Variants in STARD3 observed in about 807,000 individuals in gnomAD.
The protein encoded by STARD3 is StAR related lipid transfer domain containing 3.
Under a neutral mutation model 62.0 loss-of-function variants are expected in STARD3, and 39 were observed. That is an observed-to-expected ratio of 0.63 (90% CI 0.49 to 0.82). The LOEUF is 0.82. Among genes scored for constraint, STARD3 ranks in the 40% least tolerant of loss-of-function variants. STARD3 has a pLI of 0.00. For missense variants in STARD3, 543 were observed against 584.5 expected (o/e 0.93, Z 0.73); for synonymous variants, 229 against 242.4 (o/e 0.94, Z 0.51).
In STARD3 at chr17:39,656,838, C is replaced by G; in HGVS notation, c.220-170C>G. The G allele has an allele frequency of 8.1e-6, 5 of 618,560 alleles. No homozygotes were observed. The East Asian group carries it at 1.4e-4, about 17-fold the overall frequency. 38.3% of individuals were successfully genotyped at this position (618,560 alleles called of 1,614,324 possible). ...GGTATTGGTGCCTGAGGTCTCTGGC[C>G]GTGGGCTGAGATCCCTTGGTGCTTC... On this transcript the variant is annotated intron_variant, in intron 2 of 14. Transcript: ENST00000336308.
At chr17:39,653,385 A>C in intron 1 of STARD3, 96 bp from the exon 2 acceptor site, 12 of 809,884 alleles carry the variant, frequency 1.5e-5, no homozygotes, top group South Asian at 3.5e-5. Flanking sequence ...GACCCAGTGT[A>C]GAGACAAATG....
At chr17:39,658,645 G>A (rs759797270) in intron 6 of STARD3, 77 bp from the exon 7 acceptor site, 10 of 1,587,760 alleles carry the variant, frequency 6.3e-6, no homozygotes, top group Non-Finnish European at 8.6e-6. Context: ...AGTAGCCTGA[G>A]GGGGAGCTTG....
At chr17:39,653,833 G>A in intron 2 of STARD3, 83 bp downstream of exon 2, 1 of 1,506,088 alleles carries the variant, frequency 6.6e-7, no homozygotes, top group Non-Finnish European at 9.1e-7. Flanking sequence ...TGGGAGGGCT[G>A]CCTCTCCCCT....
chr17:39,659,159 G>C (rs2057166342), intron 8 of STARD3, 53 bp downstream of exon 8: 1 of 1,611,354 alleles, frequency 6.2e-7, no homozygotes, highest in African/African-American at 1.3e-5. Context: ...GCCTGGAGGA[G>C]GGCGGGTGCA....
intron 1 of STARD3, among the ~76,000 whole-genome samples, chr17:39,638,972 G>A (rs886413464): frequency 6.6e-6 from 1 of 152,070 alleles, no homozygotes; most frequent in African/African-American, 2.4e-5. Flanking sequence ...AGACCCCATC[G>A]CTACAAAAAT....
chr17:39,647,585 G>C (rs1016959264), intron 1 of STARD3, among the ~76,000 whole-genome samples: 20 of 152,330 alleles, frequency 1.3e-4, no homozygotes, highest in East Asian at 9.7e-4. Flanking sequence ...GCACAGGGCA[G>C]TTCCACGCCA....
rs184196627 is a variant in STARD3 at position 39,660,800 on chromosome 17, C to T, written c.955-10C>T. 6.6e-5 allele frequency: 104 copies of T among 1,569,244 alleles called. 1 individual carries two copies. In the African/African-American group the frequency reaches 1.2e-3, roughly 18 times the overall value. Reference sequence around the variant, plus strand: ...GACCTGTTCCAAAAGTCTCCGTTGACGGCCCTCAGATCCTGCAGCGAGTGG... The same window carrying T: ...GACCTGTTCCAAAAGTCTCCGTTGATGGCCCTCAGATCCTGCAGCGAGTGG... On this transcript the variant is annotated splice_polypyrimidine_tract_variant and intron_variant, in intron 11 of 14. Coordinates refer to ENST00000336308, the MANE Select transcript of STARD3 (RefSeq NM_006804.4). This position sits in a 1 kb window ranked among gnomAD's most constrained non-coding sequence, Gnocchi z 4.8.
chr17:39,659,598 T>C (rs770464154), intron 9 of STARD3, 45 bp downstream of exon 9: 2 of 1,591,054 alleles, frequency 1.3e-6, no homozygotes, highest in South Asian at 2.2e-5. Flanking sequence ...GTGTTAGGAG[T>C]TTCTGTTCTC....
intron 1 of STARD3, among the ~76,000 whole-genome samples, chr17:39,637,852 A>G (rs1233019270): frequency 1.3e-5 from 2 of 151,902 alleles, no homozygotes; most frequent in African/African-American, 4.8e-5. Context: ...TCTGTCGCCC[A>G]ACCCCTCGCT....
chr17:39,645,416 A>G lies in STARD3; in HGVS notation c.-51-8065A>G, dbSNP rs568716864. Among the ~76,000 whole-genome samples the G allele has an allele frequency of 5.1e-4, 78 of 152,296 alleles. 2 individuals carry two copies. The highest frequency in any genetic ancestry group is 1.6e-3 in the African/African-American group (66 of 41,554). ...GGGGTGATTTTTATTACATGTCACT[A>G]TAGTGTATTTAACCTCCCTCGCTCA... is the stretch of plus-strand genomic sequence containing the variant. On this transcript the variant is annotated intron_variant, in intron 1 of 14. Transcript: ENST00000336308.
At chr17:39,645,881 CTTTTTTTTTTTTTTT>C (rs71147368) in intron 1 of STARD3, among the ~76,000 whole-genome samples, 1 of 55,614 alleles carries the variant, frequency 1.8e-5, no homozygotes, top group South Asian at 7.8e-4. Context: ...GGATTCTTGC[CTTTTTTTTTTTTTTT>C]TTTTTTTTTT....
chr17:39,661,127 C>A, intron 13 of STARD3, 42 bp downstream of exon 13: 3 of 1,586,080 alleles, frequency 1.9e-6, no homozygotes, highest in South Asian at 1.1e-5. Context: ...CCAGCCCCTC[C>A]CCTGGGAGCA....
chr17:39,657,648 C>A, intron 3 of STARD3, 127 bp from the exon 4 acceptor site: 1 of 926,724 alleles, frequency 1.1e-6, no homozygotes, highest in Non-Finnish European at 1.7e-6. Flanking sequence ...CTGACTCAGT[C>A]GTTGTCCCCT....
chr17:39,644,833 G>T lies in STARD3; in HGVS notation c.-52+7602G>T, dbSNP rs138136889. Among the ~76,000 whole-genome samples the T allele has an allele frequency of 8.6e-5, 13 of 150,368 alleles. 1 individual carries two copies. In the East Asian group the frequency reaches 2.5e-3, roughly 29 times the overall value. On this transcript the variant is annotated intron_variant, in intron 1 of 14. Transcript: ENST00000336308. ...GCTGTAATCACACCACTGCACTCCA[G>T]CATGGGCGACAGAGTCTCAAAAAAA...
Position 39,663,201 on chromosome 17 carries a change from G to T in STARD3, c.*293G>T. The T allele has an allele frequency of 2.4e-6, 1 of 424,728 alleles. No individual in the cohort carries two copies. Among genetic ancestry groups the T allele is most frequent in the Non-Finnish European group, 4.1e-6 (1 of 242,232 alleles). The allele number at this position is 424,728 out of a possible 1,614,324, so 26.3% of individuals were successfully genotyped here. A position where few individuals can be genotyped will look rare whatever the true frequency, so the allele number is the denominator to read the frequency against. On this transcript the variant is annotated 3_prime_UTR_variant, in exon 15 of 15. Transcript: ENST00000336308. Reference sequence around the variant, plus strand: ...CCCACCTTGCCAGGGCAGGGTCTGGGCTGGGCACCTGACTTGGCTGGGGAG... The same window carrying T: ...CCCACCTTGCCAGGGCAGGGTCTGGTCTGGGCACCTGACTTGGCTGGGGAG...
Position 39,660,010 on chromosome 17 carries a change from C to T in STARD3, c.796-201C>T, listed in dbSNP as rs947552060. On this transcript the variant is annotated intron_variant, in intron 9 of 14. Coordinates refer to ENST00000336308, the MANE Select transcript of STARD3 (RefSeq NM_006804.4). This position sits in a 1 kb window ranked among gnomAD's most constrained non-coding sequence, Gnocchi z 4.8. ...GCAGCTGTCCCCCCGTCTTTTAACT[C>T]GACATCAAAAGCCTCTCTCCTGCCA... 2.0e-5 allele frequency: 12 copies of T among 598,894 alleles called. No individual in the cohort carries two copies. Among genetic ancestry groups the T allele is most frequent in the Admixed American group, 8.9e-5 (3 of 33,836 alleles). The allele number at this position is 598,894 out of a possible 1,614,324, so 37.1% of individuals were successfully genotyped here. A position where few individuals can be genotyped will look rare whatever the true frequency, so the allele number is the denominator to read the frequency against.
intron 1 of STARD3, among the ~76,000 whole-genome samples, chr17:39,645,375 T>A (rs115956404): frequency 0.015 from 2,273 of 152,354 alleles, 67 homozygotes; most frequent in African/African-American, 0.052. Context: ...AGTTCAGATT[T>A]GAACCCACGC....
chr17:39,647,288 G>A (rs1437589192), intron 1 of STARD3, among the ~76,000 whole-genome samples: 2 of 151,544 alleles, frequency 1.3e-5, no homozygotes, highest in Non-Finnish European at 2.9e-5. Flanking sequence ...GCAGACACTC[G>A]ACTGTCAAGT....
intron 2 of STARD3, among the ~76,000 whole-genome samples, chr17:39,656,253 C>T (rs377048477): frequency 7.9e-5 from 12 of 152,286 alleles, no homozygotes; most frequent in South Asian, 4.1e-4. Flanking sequence ...GGCTCCATCG[C>T]CCAGAGTCCC....
Sources: gnomAD v4.1 joint callset for allele counts (sites outside exome capture counted in the v4.1 genomes callset) on GRCh38, gnomAD v4.1.1 for gene constraint, Gnocchi (gnomAD v3.1) non-coding constraint, MANE v1.5 for transcripts, NCBI Gene and HGNC (gene_info 2026-07-23, HGNC 2026-07-21) for gene names.